Variants in SAMD12 observed in about 807,000 individuals in gnomAD.
SAMD12 encodes the protein sterile alpha motif domain-containing protein 12.
SAMD12 carries 9 observed loss-of-function variants against 15.0 expected under a neutral mutation model. The ratio of observed to expected loss-of-function variants is 0.60; its 90% CI spans 0.36 to 1.05. The LOEUF (loss-of-function observed/expected upper bound fraction) is 1.05, where lower values mean the gene tolerates loss of function less well. SAMD12 is among the 50% of genes least tolerant of loss of function. The pLI is 0.01. For synonymous variants in SAMD12, 86 were observed against 90.1 expected, an observed-to-expected ratio of 0.96 and a Z score of 0.25; for missense variants, 230 against 234.2, an observed-to-expected ratio of 0.98 and a Z score of 0.12.
intron 3 of SAMD12, among the ~76,000 whole-genome samples, chr8:118,404,399 G>A (rs755327102): frequency 4.6e-5 from 7 of 151,980 alleles, no homozygotes; most frequent in South Asian, 4.2e-4. Context: ...ATACTTTTTC[G>A]GTCTCATTCT....
In SAMD12 at chr8:118,549,307, C is replaced by A. The variant is rs576307548; in HGVS notation, c.192+31408G>T. 3.2e-3 allele frequency among the ~76,000 whole-genome samples: 490 copies of A among 152,346 alleles called. 2 individuals are homozygous for A. The highest frequency in any genetic ancestry group is 0.011 in the African/African-American group (461 of 41,584). Reference sequence around the variant, plus strand: ...AGTAGGGGCAAACTGACACCTCACACAGCCAGGTACTCCTCTGAGACAAAA... The same window carrying A: ...AGTAGGGGCAAACTGACACCTCACAAAGCCAGGTACTCCTCTGAGACAAAA... On this transcript the variant is annotated intron_variant, in intron 2 of 3. Coordinates refer to ENST00000314727, the MANE Select transcript of SAMD12 (RefSeq NM_207506.3).
At chr8:118,154,983 C>A in the SAMD12 span, among the ~76,000 whole-genome samples, 1 of 152,122 alleles carries the variant, frequency 6.6e-6, no homozygotes. Flanking sequence ...TAGATCCCAC[C>A]ATGATGGTGA....
chr8:118,249,415 T>C (rs1812770387), intron 4 of SAMD12, among the ~76,000 whole-genome samples: 1 of 152,186 alleles, frequency 6.6e-6, no homozygotes. Context: ...CAACCTAGTA[T>C]TTGGCACACA....
intron 2 of SAMD12, among the ~76,000 whole-genome samples, chr8:118,524,557 A>G (rs562650113): frequency 1.3e-5 from 2 of 152,210 alleles, no homozygotes; most frequent in East Asian, 1.9e-4. Context: ...GCCAGTGCCA[A>G]TGCCTGCCAA....
chr8:118,239,026 T>C (rs895192663), intron 4 of SAMD12, among the ~76,000 whole-genome samples: 2 of 152,018 alleles, frequency 1.3e-5, no homozygotes, highest in African/African-American at 4.8e-5. Context: ...GTACCTGAAG[T>C]GGAAAAGAAA....
intron 3 of SAMD12, among the ~76,000 whole-genome samples, chr8:118,412,685 C>T (rs973919782): frequency 4.6e-5 from 7 of 152,088 alleles, no homozygotes; most frequent in Non-Finnish European, 1.0e-4. Context: ...GGGCAGTCCA[C>T]CTACCAGCTG....
At chr8:118,392,356 G>T (rs1464909193) in intron 3 of SAMD12, among the ~76,000 whole-genome samples, 1 of 152,190 alleles carries the variant, frequency 6.6e-6, no homozygotes, top group African/African-American at 2.4e-5. Context: ...ACTTGAACTT[G>T]GGAGGCAGAG....
chr8:118,566,316 T>A (rs1826846180), intron 2 of SAMD12, among the ~76,000 whole-genome samples: 1 of 152,226 alleles, frequency 6.6e-6, no homozygotes, highest in African/African-American at 2.4e-5. Flanking sequence ...ACACCCTTCC[T>A]CTTTCATTCC....
At chr8:118,187,573 G>T (rs1819262535), downstream of SAMD12, among the ~76,000 whole-genome samples, 1 of 152,122 alleles carries the variant, frequency 6.6e-6, no homozygotes, top group East Asian at 1.9e-4. Context: ...TATTTTGGTG[G>T]TCTCAACTGA....
intron 4 of SAMD12, among the ~76,000 whole-genome samples, chr8:118,267,399 T>C (rs1199364485): frequency 1.3e-5 from 2 of 152,044 alleles, no homozygotes; most frequent in Non-Finnish European, 2.9e-5. Flanking sequence ...GGAGGATAAA[T>C]AAAACCTGTT....
At chr8:118,243,992 A>G (rs986236514) in intron 4 of SAMD12, among the ~76,000 whole-genome samples, 5 of 152,128 alleles carry the variant, frequency 3.3e-5, no homozygotes, top group Non-Finnish European at 5.9e-5. Context: ...GAAATAAGAG[A>G]TGAAGCCGAG....
At chr8:118,551,340 T>C (rs921898457) in intron 2 of SAMD12, among the ~76,000 whole-genome samples, 6 of 152,108 alleles carry the variant, frequency 3.9e-5, no homozygotes, top group Non-Finnish European at 8.8e-5. Flanking sequence ...CAGACCATAG[T>C]GCAATCAAAC....
chr8:118,243,770 T>C (rs193119087), intron 4 of SAMD12, among the ~76,000 whole-genome samples: 168 of 152,292 alleles, frequency 1.1e-3, no homozygotes, highest in African/African-American at 3.8e-3. Flanking sequence ...CCCTGAAAGA[T>C]GACACAAGTC....
intron 2 of SAMD12, among the ~76,000 whole-genome samples, chr8:118,535,540 C>T (rs188261875): frequency 6.6e-6 from 1 of 152,346 alleles, no homozygotes; most frequent in Non-Finnish European, 1.5e-5. Flanking sequence ...TGCCCTGCCC[C>T]CAGAGGTGGA....
At chr8:118,258,997 C>T (rs1563719222) in intron 4 of SAMD12, among the ~76,000 whole-genome samples, 2 of 152,100 alleles carry the variant, frequency 1.3e-5, no homozygotes, top group East Asian at 3.9e-4. Context: ...TGGCTGACCA[C>T]TTTAAAAATC....
At chr8:118,345,705 G>C (rs1005435261) in intron 4 of SAMD12, among the ~76,000 whole-genome samples, 1 of 152,248 alleles carries the variant, frequency 6.6e-6, no homozygotes, top group Non-Finnish European at 1.5e-5. Flanking sequence ...CTGGTGGCTT[G>C]TTGGAGTAAG....
At chr8:118,511,786 A>C (rs1356633169) in intron 2 of SAMD12, among the ~76,000 whole-genome samples, 3 of 152,254 alleles carry the variant, frequency 2.0e-5, no homozygotes, top group Non-Finnish European at 4.4e-5. Context: ...GATTGTAGTT[A>C]AATCATTTCC....
the SAMD12 span, among the ~76,000 whole-genome samples, chr8:118,152,914 A>G: frequency 6.6e-6 from 1 of 152,212 alleles, no homozygotes; most frequent in Non-Finnish European, 1.5e-5. Flanking sequence ...TCAGAAGTGA[A>G]TTTTTTAAAA....
At chr8:118,235,217 CT>C (rs201202959) in intron 4 of SAMD12, among the ~76,000 whole-genome samples, 6,967 of 144,306 alleles carry the variant, frequency 0.048, 312 homozygotes, top group East Asian at 0.16. Flanking sequence ...TATTATAAGT[CT>C]TTTTTTTTTT....
Sources: allele counts gnomAD v4.1 joint callset (sites outside exome capture counted in the v4.1 genomes callset), GRCh38; gene constraint gnomAD v4.1.1; transcripts MANE v1.5; gene names NCBI Gene and HGNC (gene_info 2026-07-23, HGNC 2026-07-21).